GRM5: variants seen among roughly 807,000 people sequenced by gnomAD.
The protein encoded by GRM5 is metabotropic glutamate receptor 5.
A neutral mutation model predicts 83.1 loss-of-function variants in GRM5; 19 were observed. The ratio of observed to expected loss-of-function variants is 0.23; its 90% CI spans 0.16 to 0.34. The LOEUF (loss-of-function observed/expected upper bound fraction) is 0.34. Ranked by LOEUF, GRM5 falls within the 10% of genes least tolerant of loss-of-function variation. The pLI is 1.00. For synonymous variants in GRM5, 675 were observed against 633.6 expected, an observed-to-expected ratio of 1.07 and a Z score of -0.98; for missense variants, 1,160 against 1,588.3, an observed-to-expected ratio of 0.73 and a Z score of 4.58.
At chr11:88,919,561 T>C (rs1050783207) in intron 2 of GRM5, among the ~76,000 whole-genome samples, 1 of 151,512 alleles carries the variant, frequency 6.6e-6, no homozygotes, top group African/African-American at 2.4e-5. Context: ...CTAATAGATA[T>C]TTACAGAATA....
intron 3 of GRM5, among the ~76,000 whole-genome samples, chr11:88,797,713 A>G (rs1296352134): frequency 6.6e-6 from 1 of 151,984 alleles, no homozygotes; most frequent in Admixed American, 6.6e-5. Flanking sequence ...CTGTCACAAT[A>G]TAGGATCCTA....
At chr11:88,532,385 A>G (rs1200587308) in intron 8 of GRM5, among the ~76,000 whole-genome samples, 1 of 152,214 alleles carries the variant, frequency 6.6e-6, no homozygotes, top group African/African-American at 2.4e-5. Flanking sequence ...AAAAATAGTA[A>G]AAGTTATTGA....
chr11:88,966,561 T>C (rs1373356019), intron 2 of GRM5, among the ~76,000 whole-genome samples: 1 of 152,158 alleles, frequency 6.6e-6, no homozygotes, highest in African/African-American at 2.4e-5. Context: ...TGAGCAACTC[T>C]ATATCCACAA....
At chr11:89,020,743 A>C (rs1418549193) in intron 2 of GRM5, among the ~76,000 whole-genome samples, 1 of 152,220 alleles carries the variant, frequency 6.6e-6, no homozygotes, top group Non-Finnish European at 1.5e-5. Flanking sequence ...TTCTATGTTA[A>C]AAATAATGTG....
chr11:89,032,440 C>T (rs893768043), intron 2 of GRM5, among the ~76,000 whole-genome samples: 4 of 152,028 alleles, frequency 2.6e-5, no homozygotes, highest in African/African-American at 9.7e-5. Flanking sequence ...CCCAACAGTA[C>T]CCTGGCACCA....
chr11:88,535,977 C>G (rs1942122103), intron 8 of GRM5, among the ~76,000 whole-genome samples: 1 of 152,146 alleles, frequency 6.6e-6, no homozygotes, highest in African/African-American at 2.4e-5. Context: ...GTATTATTTT[C>G]TCAATAATCC....
At chr11:88,685,051 G>T (rs1331382810) in intron 3 of GRM5, among the ~76,000 whole-genome samples, 1 of 152,144 alleles carries the variant, frequency 6.6e-6, no homozygotes, top group Admixed American at 6.5e-5. Flanking sequence ...ACAGGCAAAA[G>T]TTCGAACAGT....
chr11:88,737,165 A>T (rs1941931933), intron 3 of GRM5, among the ~76,000 whole-genome samples: 1 of 152,092 alleles, frequency 6.6e-6, no homozygotes, highest in African/African-American at 2.4e-5. Flanking sequence ...TTCAATGAAG[A>T]TGATACATTC....
intron 2 of GRM5, among the ~76,000 whole-genome samples, chr11:88,989,555 T>A (rs1939882642): frequency 7.3e-6 from 1 of 136,710 alleles, no homozygotes; most frequent in South Asian, 2.7e-4. Context: ...CAACAGAATA[T>A]ACATTTTTTT....
At chr11:88,698,710 G>A (rs1940958460) in intron 3 of GRM5, among the ~76,000 whole-genome samples, 1 of 152,168 alleles carries the variant, frequency 6.6e-6, no homozygotes, top group African/African-American at 2.4e-5. Context: ...TTTGATGAAT[G>A]TGAATCTTTC....
At chr11:88,783,711 A>G (rs1303276291) in intron 3 of GRM5, among the ~76,000 whole-genome samples, 1 of 152,078 alleles carries the variant, frequency 6.6e-6, no homozygotes, top group Non-Finnish European at 1.5e-5. Context: ...TGACTGAGGC[A>G]CAGATGATAT....
At position 88,568,084 on chromosome 11, in the gene GRM5, T is replaced by C. The variant is rs181727414; in HGVS notation, c.1691-92A>G. 1,697 of 730,654 alleles carry C rather than the reference T, an allele frequency of 2.3e-3. 11 individuals carry two copies. Among genetic ancestry groups the C allele is most frequent in the South Asian group, 8.7e-3 (466 of 53,450 alleles). The allele number at this position is 730,654 out of a possible 1,614,324, so 45.3% of individuals were successfully genotyped here. On this transcript the variant is annotated intron_variant, in intron 7 of 9. Coordinates refer to ENST00000305447, the MANE Select transcript of GRM5 (RefSeq NM_001143831.3). The stretch of plus-strand genomic sequence containing the variant: ...TTACAAGCAGCTGTTTATGACCATT[T>C]CAGTTTGTTCCCCATCTACCTTTCT...
chr11:88,741,974 C>T (rs1942039504), intron 3 of GRM5, among the ~76,000 whole-genome samples: 1 of 151,980 alleles, frequency 6.6e-6, no homozygotes. Context: ...AGATATCTAC[C>T]CCAGTAAAAG....
In GRM5 at chr11:88,544,785, C is replaced by T. The variant is rs150995026; in HGVS notation, c.2631-19381G>A. Among the ~76,000 whole-genome samples the T allele has an allele frequency of 3.2e-3, 490 of 152,326 alleles. 2 individuals carry two copies. Among genetic ancestry groups the T allele is most frequent in the African/African-American group, 0.011 (446 of 41,572 alleles). ...GCAAGAAGTCTGTCAAGAACTGAAA[C>T]TCATTACAAGAGGAGGCTGGAAGAG... is the stretch of plus-strand genomic sequence containing the variant. On this transcript the variant is annotated intron_variant, in intron 8 of 9. Transcript: ENST00000305447.
At chr11:88,927,240 G>C (rs1306325967) in intron 2 of GRM5, among the ~76,000 whole-genome samples, 1 of 111,814 alleles carries the variant, frequency 8.9e-6, no homozygotes. Flanking sequence ...GATTCTTCTA[G>C]GGCTATTTAC....
chr11:88,934,847 T>C (rs1590976798), intron 2 of GRM5, among the ~76,000 whole-genome samples: 1 of 151,474 alleles, frequency 6.6e-6, no homozygotes, highest in South Asian at 2.1e-4. Flanking sequence ...TTAAAAGGAG[T>C]TGAAAGTTAA....
rs61456975 is a variant in GRM5, at chr11:88,885,450, G to GTTTTTTTTTTT, written c.662-35306_662-35296dup. Among the ~76,000 whole-genome samples the GTTTTTTTTTTT allele has an allele frequency of 3.8e-4, 24 of 62,666 alleles. 3 individuals are homozygous for GTTTTTTTTTTT. The highest frequency in any genetic ancestry group is 1.2e-3 in the African/African-American group (20 of 16,894). The allele number at this position is 62,666 out of a possible 152,430, so 41.1% of individuals were successfully genotyped here. A position where few individuals can be genotyped will look rare whatever the true frequency, so the allele number is the denominator to read the frequency against. ...TTCTGAATTCTATAGTAGGTACCAT[G>GTTTTTTTTTTT]TTTTTTTTTTTTTTTTTTTTTTTTT... On this transcript the variant is annotated intron_variant, in intron 2 of 9. Transcript: ENST00000305447.
At chr11:88,547,291 A>G (rs1025124642) in intron 8 of GRM5, among the ~76,000 whole-genome samples, 1 of 152,184 alleles carries the variant, frequency 6.6e-6, no homozygotes, top group Non-Finnish European at 1.5e-5. Flanking sequence ...GGAGCTATCT[A>G]GTTGTCATTT....
chr11:89,020,477 C>T (rs867496077), intron 2 of GRM5, among the ~76,000 whole-genome samples: 1 of 152,162 alleles, frequency 6.6e-6, no homozygotes, highest in Non-Finnish European at 1.5e-5. Flanking sequence ...GTTGGAATTG[C>T]TAAAGATCAG....
Sources: allele counts gnomAD v4.1 joint callset (sites outside exome capture counted in the v4.1 genomes callset), GRCh38; gene constraint gnomAD v4.1.1; transcripts MANE v1.5; gene names NCBI Gene and HGNC (gene_info 2026-07-23, HGNC 2026-07-21).